ESR1: variants seen among roughly 807,000 people sequenced by gnomAD.
ESR1 encodes the protein estrogen receptor.
Under a neutral mutation model 52.7 loss-of-function variants are expected in ESR1, and 12 were observed. That is an observed-to-expected ratio of 0.23 (90% CI 0.15 to 0.37). The LOEUF (loss-of-function observed/expected upper bound fraction) is 0.37, where lower values mean the gene tolerates loss of function less well. Ranked by LOEUF, ESR1 falls within the 10% of genes least tolerant of loss-of-function variation. ESR1 has a pLI of 1.00. For synonymous variants in ESR1, 305 were observed against 316.8 expected, an observed-to-expected ratio of 0.96 and a Z score of 0.39; for missense variants, 584 against 779.7, an observed-to-expected ratio of 0.75 and a Z score of 2.99.
At chr6:151,750,943 A>T (rs928510451) in intron 2 of ESR1, among the ~76,000 whole-genome samples, 1 of 152,242 alleles carries the variant, frequency 6.6e-6, no homozygotes, top group Non-Finnish European at 1.5e-5. Context: ...GGAGGAAAAA[A>T]ATGGCGTTTA....
At chr6:151,896,942 T>C (rs1181294631) in intron 3 of ESR1, among the ~76,000 whole-genome samples, 1 of 152,192 alleles carries the variant, frequency 6.6e-6, no homozygotes, top group Non-Finnish European at 1.5e-5. Flanking sequence ...GTTGACCCAA[T>C]GATCATTCAG....
At chr6:151,968,871 C>T (rs1046132461) in intron 4 of ESR1, among the ~76,000 whole-genome samples, 6 of 152,070 alleles carry the variant, frequency 3.9e-5, no homozygotes, top group Admixed American at 1.3e-4. Context: ...AGGTCCTGGT[C>T]AGAGCTGCCG....
At chr6:151,938,703 T>C (rs1248482863) in intron 3 of ESR1, among the ~76,000 whole-genome samples, 3 of 152,138 alleles carry the variant, frequency 2.0e-5, no homozygotes, top group Non-Finnish European at 4.4e-5. Context: ...TTCCCATAAG[T>C]TAACACCTCC....
intron 2 of ESR1, among the ~76,000 whole-genome samples, chr6:151,879,183 G>A (rs1325825950): frequency 1.3e-5 from 2 of 152,192 alleles, no homozygotes; most frequent in Non-Finnish European, 1.5e-5. Flanking sequence ...AAGGAACTGG[G>A]GTGTTTGGGA....
At chr6:151,756,943 T>C (rs894274546) in intron 2 of ESR1, among the ~76,000 whole-genome samples, 1 of 152,152 alleles carries the variant, frequency 6.6e-6, no homozygotes, top group African/African-American at 2.4e-5. Flanking sequence ...TGAGCCGGCA[T>C]TGAGCCACTG....
At chr6:152,031,328 CA>C (rs1171174619) in intron 5 of ESR1, among the ~76,000 whole-genome samples, 2 of 151,882 alleles carry the variant, frequency 1.3e-5, no homozygotes, top group African/African-American at 4.8e-5. Context: ...AAAAACCCTT[CA>C]AAAAATCAAT....
chr6:151,936,162 T>A (rs367730241), intron 3 of ESR1: 1 of 152,336 alleles, frequency 6.6e-6, no homozygotes, highest in East Asian at 1.9e-4. Context: ...CATTGTAATC[T>A]GTATCAGAGA....
chr6:152,075,525 C>T (rs2048672182), intron 6 of ESR1, among the ~76,000 whole-genome samples: 1 of 152,152 alleles, frequency 6.6e-6, no homozygotes, highest in Admixed American at 6.5e-5. Context: ...GAATATGCAC[C>T]ATTCACTTGC....
intron 1 of ESR1, among the ~76,000 whole-genome samples, chr6:151,693,066 G>A (rs1224170048): frequency 6.6e-6 from 1 of 152,172 alleles, no homozygotes; most frequent in Non-Finnish European, 1.5e-5. Flanking sequence ...TTAACCTCAT[G>A]CCTTGAATTT....
chr6:151,697,084 T>C (rs1170328081), intron 1 of ESR1, among the ~76,000 whole-genome samples: 1 of 152,224 alleles, frequency 6.6e-6, no homozygotes, highest in African/African-American at 2.4e-5. Context: ...GCTTGAACTT[T>C]ATCTTGTAGG....
chr6:151,713,458 C>T (rs1169397251), intron 2 of ESR1, among the ~76,000 whole-genome samples: 1 of 152,126 alleles, frequency 6.6e-6, no homozygotes, highest in Non-Finnish European at 1.5e-5. Flanking sequence ...GATGTGAATC[C>T]ATCTTGTCCT....
chr6:152,113,656 T>C (rs1215942138), intron 6 of ESR1, among the ~76,000 whole-genome samples: 1 of 152,068 alleles, frequency 6.6e-6, no homozygotes, highest in Non-Finnish European at 1.5e-5. Context: ...TAAGAGACTT[T>C]CTCCTCATAA....
chr6:152,068,908 A>G (rs1162235409), intron 6 of ESR1, among the ~76,000 whole-genome samples: 2 of 95,814 alleles, frequency 2.1e-5, no homozygotes, highest in Admixed American at 1.7e-4. Context: ...TGGGTTGGGT[A>G]GGAGGCAAAG....
rs369051460 is a variant in ESR1 at position 152,128,055 on chromosome 6, A to G, written c.*2707A>G. On this transcript the variant is annotated 3_prime_UTR_variant, in exon 7 of 7. Transcript: ENST00000427531. ...CATCAATTTGCTACATCCGGACTAC[A>G]GTGCAATTATTCCTTTGCCTTGCTG... The G allele has an allele frequency of 2.4e-4, 37 of 152,334 alleles. No homozygotes were observed. The East Asian group carries it at 6.0e-3, about 25-fold the overall frequency. 9.4% of individuals were successfully genotyped at this position (152,334 alleles called of 1,614,324 possible). A position where few individuals can be genotyped will look rare whatever the true frequency, so the allele number is the denominator to read the frequency against.
rs114354628 is a variant in ESR1 at position 151,663,766 on chromosome 6, A to G, written n.73+7003A>G. ...AAGGAACAATGCAAGGGAAACACAC[A>G]TTGCAAGTTTTGATTGTACCTATTT... On this transcript the variant is annotated intron_variant and non_coding_transcript_variant, in intron 1 of 2. Transcript: ENST00000473497. 2.7e-3 allele frequency among the ~76,000 whole-genome samples: 408 copies of G among 152,362 alleles called. 3 individuals are homozygous for G. Among genetic ancestry groups the G allele is most frequent in the African/African-American group, 9.2e-3 (384 of 41,588 alleles).
chr6:151,810,082 C>A (rs908588080), intron 1 of ESR1, among the ~76,000 whole-genome samples: 1 of 152,034 alleles, frequency 6.6e-6, no homozygotes, highest in Non-Finnish European at 1.5e-5. Context: ...TGAGACTGCT[C>A]CTTGGTAGAT....
intron 1 of ESR1, among the ~76,000 whole-genome samples, chr6:151,823,933 C>A (rs1320303688): frequency 3.9e-5 from 6 of 152,174 alleles, no homozygotes; most frequent in African/African-American, 7.2e-5. Context: ...AATAAACATA[C>A]ATGTGCATGT....
At chr6:151,883,653 G>A (rs1313634647) in intron 3 of ESR1, among the ~76,000 whole-genome samples, 2 of 152,170 alleles carry the variant, frequency 1.3e-5, no homozygotes, top group East Asian at 3.9e-4. Context: ...CAAGTTTTGT[G>A]GGGACACAGT....
chr6:151,756,301 G>A (rs946630725), intron 2 of ESR1, among the ~76,000 whole-genome samples: 4 of 151,998 alleles, frequency 2.6e-5, no homozygotes, highest in Admixed American at 1.3e-4. Flanking sequence ...AGGCTGGAGC[G>A]CAGTGGCGCA....
Sources: allele counts gnomAD v4.1 joint callset (sites outside exome capture counted in the v4.1 genomes callset), GRCh38; gene constraint gnomAD v4.1.1; transcripts MANE v1.5; gene names NCBI Gene and HGNC (gene_info 2026-07-23, HGNC 2026-07-21).